SLC39A8: variants seen among roughly 807,000 people sequenced by gnomAD.
The protein encoded by SLC39A8 is metal cation symporter ZIP8.
Under a neutral mutation model 40.4 loss-of-function variants are expected in SLC39A8, and 15 were observed. That is an observed-to-expected ratio of 0.37 (90% CI 0.25 to 0.57). The LOEUF is 0.57. SLC39A8 is among the 20% of genes least tolerant of loss of function. The pLI, the probability that SLC39A8 is intolerant of heterozygous loss-of-function variation, is 0.75. For missense variants in SLC39A8, 472 were observed against 558.8 expected (o/e 0.84, Z 1.57); for synonymous variants, 223 against 221.6 (o/e 1.01, Z -0.06).
chr4:102,333,264 G>A (rs6850893), intron 2 of SLC39A8, among the ~76,000 whole-genome samples: 20,013 of 152,000 alleles, frequency 0.13, 1,584 homozygotes, highest in South Asian at 0.28. Context: ...TGCAGAGGGC[G>A]GCAGCAGTAA....
intron 6 of SLC39A8, among the ~76,000 whole-genome samples, chr4:102,277,937 A>G (rs1270807929): frequency 6.6e-6 from 1 of 152,242 alleles, no homozygotes; most frequent in East Asian, 1.9e-4. Flanking sequence ...AGCCATATGC[A>G]GAAAACTGAA....
intron 2 of SLC39A8, among the ~76,000 whole-genome samples, chr4:102,343,138 A>C (rs1045756075): frequency 2.6e-5 from 4 of 152,200 alleles, no homozygotes; most frequent in Non-Finnish European, 4.4e-5. Flanking sequence ...GGAATTATAG[A>C]CAATTTACTA....
intron 6 of SLC39A8, among the ~76,000 whole-genome samples, chr4:102,272,814 C>G (rs989554069): frequency 6.6e-6 from 1 of 151,952 alleles, no homozygotes; most frequent in Non-Finnish European, 1.5e-5. Flanking sequence ...CAAGCAGAAG[C>G]AGGGTGAGGA....
At chr4:102,263,228 C>A in intron 8 of SLC39A8, 35 bp from the exon 9 acceptor site, 2 of 1,592,972 alleles carry the variant, frequency 1.3e-6, no homozygotes. Context: ...TAACTGTTGC[C>A]ATCTTGTGGC....
intron 3 of SLC39A8, among the ~76,000 whole-genome samples, chr4:102,314,519 G>A (rs1734576575): frequency 6.6e-6 from 1 of 152,024 alleles, no homozygotes; most frequent in African/African-American, 2.4e-5. Context: ...CTCCCGCCAG[G>A]ACATATATCC....
intron 2 of SLC39A8, among the ~76,000 whole-genome samples, chr4:102,343,671 G>T (rs1736034020): frequency 6.6e-6 from 1 of 152,122 alleles, no homozygotes; most frequent in African/African-American, 2.4e-5. Context: ...GAAATAATTA[G>T]GAATAATTTG....
chr4:102,314,663 T>G (rs2149040002), intron 3 of SLC39A8, among the ~76,000 whole-genome samples: 1 of 152,192 alleles, frequency 6.6e-6, no homozygotes, highest in South Asian at 2.1e-4. Flanking sequence ...AGAGACGACC[T>G]TGCTGTGGCC....
intron 2 of SLC39A8, among the ~76,000 whole-genome samples, chr4:102,326,546 G>C (rs1214010776): frequency 1.3e-5 from 2 of 152,152 alleles, no homozygotes; most frequent in Non-Finnish European, 2.9e-5. Context: ...GGGCGACAGA[G>C]CAAGACTCCG....
At chr4:102,345,285 C>T (rs1736127431) in intron 1 of SLC39A8, 60 bp downstream of exon 1, 1 of 152,598 alleles carries the variant, frequency 6.6e-6, no homozygotes, top group Admixed American at 6.5e-5. Flanking sequence ...GGGACCCTCC[C>T]TCTCCCCGGA....
rs1338443182 is a variant in SLC39A8 at position 102,344,559 on chromosome 4, C to T, written c.104G>A (p.Ser35Asn). ...CAGGCTCAGATTCGCGCCGAACACG[C>T]TCAGCACATCCTCGCTGAAGGCTAG... ...PGLAFSEDVL[S>N]VFGANLSLSA... Residue 35 changes from serine (S) to asparagine (N), a missense_variant, in exon 2 of 9, where the codon AGC becomes AAC. Coordinates refer to ENST00000356736, the MANE Select transcript of SLC39A8 (RefSeq NM_001135146.2). 1.2e-5 allele frequency: 18 copies of T among 1,553,366 alleles called. No homozygotes were observed. Among genetic ancestry groups the T allele is most frequent in the Non-Finnish European group, 1.5e-5 (17 of 1,148,636 alleles).
At chr4:102,264,229 G>A (rs1731992883) in intron 8 of SLC39A8, among the ~76,000 whole-genome samples, 2 of 152,140 alleles carry the variant, frequency 1.3e-5, no homozygotes, top group Non-Finnish European at 2.9e-5. Context: ...ACTACTCCAT[G>A]GACTGATCCA....
intron 6 of SLC39A8, among the ~76,000 whole-genome samples, chr4:102,303,865 T>A (rs1343292680): frequency 1.3e-5 from 2 of 151,900 alleles, no homozygotes; most frequent in African/African-American, 2.4e-5. Flanking sequence ...ATTAATATTA[T>A]TTAGAAGATG....
At chr4:102,252,846 A>C (rs1731623455) in exon 12 of SLC39A8, 1 of 151,796 alleles carries the variant, frequency 6.6e-6, no homozygotes, top group Non-Finnish European at 1.5e-5. Context: ...TCCAAGATTC[A>C]GGTGTGCACA....
intron 6 of SLC39A8, among the ~76,000 whole-genome samples, chr4:102,286,545 C>T (rs905611024): frequency 6.5e-5 from 9 of 139,380 alleles, no homozygotes; most frequent in African/African-American, 2.0e-4. Flanking sequence ...GCATCAAAGG[C>T]GAGATAACGG....
At chr4:102,283,877 AAACCCACTGAACT>A (rs1190206950) in intron 6 of SLC39A8, among the ~76,000 whole-genome samples, 1 of 152,088 alleles carries the variant, frequency 6.6e-6, no homozygotes. Flanking sequence ...TCTGTTCCTA[AAACCCACTGAACT>A]GTTTCCTACC....
At chr4:102,329,057 G>C (rs986880347) in intron 2 of SLC39A8, among the ~76,000 whole-genome samples, 7 of 151,460 alleles carry the variant, frequency 4.6e-5, no homozygotes, top group African/African-American at 1.7e-4. Context: ...ATATATAACT[G>C]TAGCATAGTC....
intron 2 of SLC39A8, among the ~76,000 whole-genome samples, chr4:102,338,042 T>A (rs888887865): frequency 6.6e-6 from 1 of 152,164 alleles, no homozygotes; most frequent in Non-Finnish European, 1.5e-5. Flanking sequence ...AAAAAATCCC[T>A]CACCTTTCTA....
intron 6 of SLC39A8, among the ~76,000 whole-genome samples, chr4:102,286,980 T>C (rs1322473011): frequency 2.0e-5 from 3 of 152,166 alleles, no homozygotes; most frequent in African/African-American, 7.2e-5. Flanking sequence ...CAGCATAGTT[T>C]TGCTGTTTAT....
downstream of SLC39A8, among the ~76,000 whole-genome samples, chr4:102,258,759 T>C (rs1433214210): frequency 6.6e-6 from 1 of 152,196 alleles, no homozygotes; most frequent in Non-Finnish European, 1.5e-5. Flanking sequence ...ATAGACACTT[T>C]TGGGATTCTT....
Sources: allele counts gnomAD v4.1 joint callset (sites outside exome capture counted in the v4.1 genomes callset), GRCh38; gene constraint gnomAD v4.1.1; transcripts MANE v1.5; gene names NCBI Gene and HGNC (gene_info 2026-07-23, HGNC 2026-07-21).